CSMD1: variants seen among roughly 807,000 people sequenced by gnomAD.
CSMD1 encodes CUB and Sushi multiple domains 1.
Under a neutral mutation model 417.5 loss-of-function variants are expected in CSMD1, and 213 were observed. The observed-to-expected ratio is 0.51, with a 90% CI of 0.46 to 0.57. The LOEUF is 0.57. CSMD1 is among the 20% of genes least tolerant of loss of function. The pLI, the probability that CSMD1 is intolerant of heterozygous loss-of-function variation, is 0.00. For synonymous variants in CSMD1, 2,862 were observed against 1,736.8 expected, an observed-to-expected ratio of 1.65 and a Z score of -16.11; for missense variants, 6,923 against 4,529.7, an observed-to-expected ratio of 1.53 and a Z score of -15.17.
chr8:3,242,900 A>G (rs939318064), intron 26 of CSMD1, among the ~76,000 whole-genome samples: 5 of 152,026 alleles, frequency 3.3e-5, no homozygotes, highest in African/African-American at 1.2e-4. Flanking sequence ...GCGTGGAAAT[A>G]AGGCAGGCGT....
Position 3,382,908 on chromosome 8 carries a change from A to G in CSMD1, c.2782+4586T>C, listed in dbSNP as rs149732753. Among the ~76,000 whole-genome samples the G allele has an allele frequency of 1.9e-3, 290 of 152,302 alleles. 1 individual carries two copies. The highest frequency in any genetic ancestry group is 6.7e-3 in the African/African-American group (277 of 41,556). ...TTTAGTTTTCCAAGATTTAAAAACT[A>G]AGATTTCTCAAAAAAACCCAAAACT... On this transcript the variant is annotated intron_variant, in intron 18 of 69. Coordinates refer to ENST00000635120, the MANE Select transcript of CSMD1 (RefSeq NM_033225.6).
At position 3,724,064 on chromosome 8, in the gene CSMD1, A is replaced by G. The variant is rs1287216971; in HGVS notation, c.932-15573T>C. On this transcript the variant is annotated intron_variant, in intron 6 of 69. Transcript: ENST00000635120. ...ATCTGTGTAAACACAGATTTTGTTCATTGACTTCAACCAGAATAACAGAGC... is the reference window on the plus strand; with the variant it reads ...ATCTGTGTAAACACAGATTTTGTTCGTTGACTTCAACCAGAATAACAGAGC... 5.4e-5 allele frequency among the ~76,000 whole-genome samples: 3 copies of G among 55,194 alleles called. 1 individual carries two copies. 36.2% of individuals were successfully genotyped at this position (55,194 alleles called of 152,430 possible). A position where few individuals can be genotyped will look rare whatever the true frequency, so the allele number is the denominator to read the frequency against.
chr8:4,242,723 T>C (rs964949352), intron 3 of CSMD1, among the ~76,000 whole-genome samples: 1 of 151,040 alleles, frequency 6.6e-6, no homozygotes, highest in African/African-American at 2.4e-5. Context: ...CTCTGCCCAG[T>C]TGAGTGGCTC....
chr8:3,385,049 T>A (rs1810909859), intron 18 of CSMD1, among the ~76,000 whole-genome samples: 2 of 115,222 alleles, frequency 1.7e-5, no homozygotes, highest in African/African-American at 7.1e-5. Context: ...AATATATAAA[T>A]ATATAATATA....
rs1009183864 is a variant in CSMD1, at chr8:4,572,649, T to G, written c.302+64693A>C. Among the ~76,000 whole-genome samples the G allele has an allele frequency of 6.6e-5, 10 of 152,216 alleles. No individual in the cohort carries two copies. In the East Asian group the frequency reaches 1.9e-3, roughly 29 times the overall value. ...AGCGGTGTTCTCTGTATTTCCTGAA[T>G]TTGAATGTTGGCCTGTCTTGCTAGA... On this transcript the variant is annotated intron_variant, in intron 2 of 69. Transcript: ENST00000635120.
intron 1 of CSMD1, among the ~76,000 whole-genome samples, chr8:4,643,875 T>G (rs1261525859): frequency 6.6e-6 from 1 of 152,200 alleles, no homozygotes; most frequent in African/African-American, 2.4e-5. Flanking sequence ...TCAGGCATTT[T>G]GCAGGAACAC....
intron 54 of CSMD1, 123 bp downstream of exon 54, chr8:2,997,888 G>A: frequency 1.1e-6 from 1 of 885,260 alleles, no homozygotes; most frequent in Non-Finnish European, 1.6e-6. Context: ...CACCTGAATG[G>A]TGAGAGTTTG....
At chr8:4,690,919 G>T (rs946164327) in intron 1 of CSMD1, among the ~76,000 whole-genome samples, 4 of 152,054 alleles carry the variant, frequency 2.6e-5, no homozygotes, top group African/African-American at 7.2e-5. Context: ...AGTAGAGGTG[G>T]GGTTTCACCA....
At chr8:3,159,322 C>A (rs560256795) in intron 38 of CSMD1, among the ~76,000 whole-genome samples, 6 of 152,178 alleles carry the variant, frequency 3.9e-5, no homozygotes, top group African/African-American at 9.6e-5. Flanking sequence ...CAAGATAGGA[C>A]CCTGTGCATT....
At chr8:4,190,253 C>CAAA (rs11397581) in intron 3 of CSMD1, among the ~76,000 whole-genome samples, 15 of 67,016 alleles carry the variant, frequency 2.2e-4, no homozygotes, top group African/African-American at 3.7e-4. Flanking sequence ...ACTCCGTCTC[C>CAAA]AAAAAAAAAA....
chr8:4,323,044 G>C (rs1032473683), intron 3 of CSMD1, among the ~76,000 whole-genome samples: 1 of 152,164 alleles, frequency 6.6e-6, no homozygotes, highest in Non-Finnish European at 1.5e-5. Context: ...AGAATAGAAA[G>C]ATTTTGACCA....
intron 3 of CSMD1, among the ~76,000 whole-genome samples, chr8:4,067,686 G>C (rs1205629342): frequency 6.6e-6 from 1 of 152,112 alleles, no homozygotes; most frequent in Non-Finnish European, 1.5e-5. Flanking sequence ...AACTTGTCCT[G>C]TGGAATATTA....
intron 3 of CSMD1, among the ~76,000 whole-genome samples, chr8:4,212,751 CTTT>C (rs5889027): frequency 0.46 from 45,394 of 97,918 alleles, 9,720 homozygotes; most frequent in South Asian, 0.56. Flanking sequence ...CGGCCTTATT[CTTT>C]TTTTTTTTTT....
chr8:4,523,988 TG>T (rs1244192623), intron 2 of CSMD1, among the ~76,000 whole-genome samples: 9 of 152,098 alleles, frequency 5.9e-5, no homozygotes, highest in Non-Finnish European at 1.0e-4. Flanking sequence ...TCTCCTCAAA[TG>T]GGTCCCTATG....
intron 3 of CSMD1, among the ~76,000 whole-genome samples, chr8:4,082,418 T>A (rs1024973944): frequency 2.0e-5 from 3 of 152,140 alleles, no homozygotes; most frequent in Non-Finnish European, 4.4e-5. Context: ...ACCCAGTATT[T>A]TAAGAAATCT....
chr8:4,391,086 G>C (rs1033024361), intron 3 of CSMD1, among the ~76,000 whole-genome samples: 1 of 152,210 alleles, frequency 6.6e-6, no homozygotes, highest in African/African-American at 2.4e-5. Context: ...ATCCTGGAAT[G>C]AGGACATAAA....
intron 5 of CSMD1, among the ~76,000 whole-genome samples, chr8:3,836,323 G>A (rs551605947): frequency 1.3e-5 from 2 of 152,210 alleles, no homozygotes; most frequent in African/African-American, 2.4e-5. Context: ...CCAGTTTTGG[G>A]TTTACTTGAC....
chr8:4,179,001 C>A (rs974674122), intron 3 of CSMD1, among the ~76,000 whole-genome samples: 1 of 152,100 alleles, frequency 6.6e-6, no homozygotes, highest in African/African-American at 2.4e-5. Flanking sequence ...GGCCATACTG[C>A]CCAAGGTAAT....
rs536338921 is a variant in CSMD1 at position 4,035,655 on chromosome 8, T to G, written c.416-3556A>C. Among the ~76,000 whole-genome samples, 7 of 152,350 alleles carry G rather than the reference T, an allele frequency of 4.6e-5. No individual in the cohort carries two copies. In the South Asian group the frequency reaches 1.5e-3, roughly 32 times the overall value. ...GAAATTTTAAATAGACAAACTCTTA[T>G]GAATAACAATATAAATGTTTTGCAC... On this transcript the variant is annotated intron_variant, in intron 3 of 69. Transcript: ENST00000635120.
Sources: gnomAD v4.1 joint callset for allele counts (sites outside exome capture counted in the v4.1 genomes callset) on GRCh38, gnomAD v4.1.1 for gene constraint, MANE v1.5 for transcripts, NCBI Gene and HGNC (gene_info 2026-07-23, HGNC 2026-07-21) for gene names.